Variants in CCDC171 observed in about 807,000 individuals in gnomAD.
CCDC171 encodes coiled-coil domain-containing protein 171.
Under a neutral mutation model 168.2 loss-of-function variants are expected in CCDC171, and 177 were observed. The observed-to-expected ratio is 1.05, with a 90% CI of 0.93 to 1.19. The LOEUF (loss-of-function observed/expected upper bound fraction) is 1.19, where lower values mean the gene tolerates loss of function less well. Ranked by LOEUF, CCDC171 falls within the 50% of genes most tolerant of loss-of-function variation. CCDC171 has a pLI of 0.00. For missense variants in CCDC171, 1,991 were observed against 1,539.0 expected (o/e 1.29, Z -4.91); for synonymous variants, 687 against 540.8 (o/e 1.27, Z -3.75).
intron 21 of CCDC171, among the ~76,000 whole-genome samples, chr9:15,788,168 A>G (rs910818693): frequency 1.3e-5 from 2 of 152,200 alleles, no homozygotes; most frequent in Non-Finnish European, 2.9e-5. Context: ...ACATGGTTCA[A>G]TGGGAAAAGC....
intron 6 of CCDC171, 137 bp downstream of exon 6, chr9:15,594,309 G>T: frequency 1.7e-6 from 1 of 571,710 alleles, no homozygotes; most frequent in Non-Finnish European, 3.0e-6. Flanking sequence ...CATTTCATTT[G>T]CTGTTACATG....
chr9:15,609,936 A>G (rs1358862747), intron 6 of CCDC171, among the ~76,000 whole-genome samples: 13 of 152,222 alleles, frequency 8.5e-5, no homozygotes, highest in African/African-American at 3.1e-4. Flanking sequence ...TAAAGTTGAC[A>G]TCCTTATAAT....
downstream of CCDC171, among the ~76,000 whole-genome samples, chr9:16,063,535 A>G (rs112517688): frequency 6.6e-6 from 1 of 152,172 alleles, no homozygotes; most frequent in African/African-American, 2.4e-5. Context: ...AGTATATTTC[A>G]TTTGCATTGG....
chr9:15,867,987 A>C (rs1170849000), intron 23 of CCDC171, among the ~76,000 whole-genome samples: 2 of 152,058 alleles, frequency 1.3e-5, no homozygotes, highest in Non-Finnish European at 2.9e-5. Flanking sequence ...CCTATTTTCC[A>C]GCTTGATAAT....
chr9:16,085,291 A>G, the CCDC171 span, among the ~76,000 whole-genome samples: 1 of 152,244 alleles, frequency 6.6e-6, no homozygotes, highest in Non-Finnish European at 1.5e-5. Context: ...TAATGTTTTA[A>G]TTCAGAGAAG....
chr9:15,768,306 A>G (rs1005287935), intron 18 of CCDC171, among the ~76,000 whole-genome samples: 13 of 152,172 alleles, frequency 8.5e-5, no homozygotes, highest in African/African-American at 3.1e-4. Context: ...GCCAAATAGT[A>G]TCTAAAATAG....
At chr9:15,626,189 T>A (rs2132147898) in intron 7 of CCDC171, among the ~76,000 whole-genome samples, 2 of 152,346 alleles carry the variant, frequency 1.3e-5, no homozygotes, top group Middle Eastern at 6.8e-3. Context: ...TTGCTGAAGT[T>A]GCTTATCAGT....
chr9:15,634,442 A>G (rs148013418), intron 7 of CCDC171, among the ~76,000 whole-genome samples: 1 of 152,238 alleles, frequency 6.6e-6, no homozygotes, highest in African/African-American at 2.4e-5. Flanking sequence ...TAATGTGCAG[A>G]CATCCCCCTG....
At chr9:15,918,692 TG>T (rs1824887703) in intron 24 of CCDC171, among the ~76,000 whole-genome samples, 1 of 151,640 alleles carries the variant, frequency 6.6e-6, no homozygotes, top group Admixed American at 6.6e-5. Flanking sequence ...TATGTAGTGT[TG>T]GTTAATAAAT....
chr9:16,099,838 C>T, the CCDC171 span, among the ~76,000 whole-genome samples: 2 of 152,126 alleles, frequency 1.3e-5, no homozygotes, highest in African/African-American at 4.8e-5. Flanking sequence ...AGAACAGACA[C>T]AAGTTAGTGC....
chr9:15,620,592 C>A (rs2044426390), intron 6 of CCDC171, among the ~76,000 whole-genome samples: 1 of 152,178 alleles, frequency 6.6e-6, no homozygotes, highest in Non-Finnish European at 1.5e-5. Flanking sequence ...GATGGAAACT[C>A]CTCCTGGTGG....
chr9:15,910,441 T>A (rs1249443135), intron 24 of CCDC171, among the ~76,000 whole-genome samples: 3 of 152,164 alleles, frequency 2.0e-5, no homozygotes, highest in African/African-American at 7.2e-5. Flanking sequence ...TGTTTTGTGC[T>A]AGTACCATGC....
intron 19 of CCDC171, among the ~76,000 whole-genome samples, chr9:15,778,601 G>A (rs1312677531): frequency 2.5e-5 from 3 of 122,116 alleles, no homozygotes; most frequent in Non-Finnish European, 4.9e-5. Context: ...AGACGAGATT[G>A]TGCCACTGTA....
intron 4 of CCDC171, among the ~76,000 whole-genome samples, chr9:15,586,176 A>G (rs1249022747): frequency 6.6e-6 from 1 of 152,232 alleles, no homozygotes; most frequent in African/African-American, 2.4e-5. Flanking sequence ...TGCTGGGTGG[A>G]TAAATGAATG....
chr9:16,085,803 T>G, the CCDC171 span, among the ~76,000 whole-genome samples: 1 of 152,188 alleles, frequency 6.6e-6, no homozygotes, highest in Non-Finnish European at 1.5e-5. Context: ...TGAGACCTAG[T>G]CTGTATGATT....
intron 23 of CCDC171, among the ~76,000 whole-genome samples, chr9:15,869,318 A>G (rs2061927815): frequency 2.0e-5 from 3 of 152,004 alleles, no homozygotes; most frequent in African/African-American, 4.8e-5. Context: ...AGATGTAACC[A>G]TCCTATCCCT....
At chr9:15,950,149 T>C (rs1355357844) in intron 25 of CCDC171, among the ~76,000 whole-genome samples, 4 of 152,110 alleles carry the variant, frequency 2.6e-5, no homozygotes, top group Non-Finnish European at 5.9e-5. Context: ...CTACGTCTGA[T>C]TGGTGTACCT....
intron 21 of CCDC171, among the ~76,000 whole-genome samples, chr9:15,800,200 C>G (rs555219002): frequency 6.6e-6 from 1 of 152,202 alleles, no homozygotes; most frequent in South Asian, 2.1e-4. Flanking sequence ...AAACTGTTCT[C>G]CATAGTGGTT....
At chr9:15,616,404 A>C (rs900461479) in intron 6 of CCDC171, among the ~76,000 whole-genome samples, 5 of 152,064 alleles carry the variant, frequency 3.3e-5, no homozygotes, top group Admixed American at 1.3e-4. Flanking sequence ...TTTTATAAAT[A>C]AATCTCATGA....
Sources: allele counts gnomAD v4.1 joint callset (sites outside exome capture counted in the v4.1 genomes callset), GRCh38; gene constraint gnomAD v4.1.1; transcripts MANE v1.5; gene names NCBI Gene and HGNC (gene_info 2026-07-23, HGNC 2026-07-21).